ZFAT: variants seen among roughly 807,000 people sequenced by gnomAD.
ZFAT encodes zinc finger and AT-hook domain containing, also known as zinc finger protein ZFAT.
In ZFAT, 64 loss-of-function variants were observed where a neutral mutation model predicts 117.7. The ratio of observed to expected loss-of-function variants is 0.54; its 90% CI spans 0.44 to 0.67. The LOEUF is 0.67. ZFAT is among the 30% of genes least tolerant of loss of function. The probability of loss-of-function intolerance (pLI) is 0.00; values close to 1 mark genes in which losing one functional copy is unlikely to be tolerated. For synonymous variants in ZFAT, 679 were observed against 615.0 expected (o/e 1.10, Z -1.54); for missense variants, 1,433 against 1,584.5 (o/e 0.90, Z 1.62).
the ZFAT span, among the ~76,000 whole-genome samples, chr8:134,810,955 T>C: frequency 6.6e-6 from 1 of 151,902 alleles, no homozygotes; most frequent in African/African-American, 2.4e-5. Context: ...TCAGTAACAC[T>C]AGCTAGCACC....
At chr8:134,531,007 T>G (rs1230662781) in intron 12 of ZFAT, among the ~76,000 whole-genome samples, 1 of 152,126 alleles carries the variant, frequency 6.6e-6, no homozygotes, top group African/African-American at 2.4e-5. Context: ...GGAACAACTG[T>G]GAATATATAT....
chr8:134,822,553 G>A, the ZFAT span, among the ~76,000 whole-genome samples: 1 of 151,938 alleles, frequency 6.6e-6, no homozygotes, highest in South Asian at 2.1e-4. Context: ...TTCCTATAAT[G>A]AAAATTTTTT....
the ZFAT span, among the ~76,000 whole-genome samples, chr8:134,801,051 A>T: frequency 6.6e-6 from 1 of 152,162 alleles, no homozygotes; most frequent in South Asian, 2.1e-4. Context: ...CATTTATAAG[A>T]ACTTACTTGA....
chr8:134,670,607 G>A (rs1342989246), intron 1 of ZFAT, among the ~76,000 whole-genome samples: 5 of 152,252 alleles, frequency 3.3e-5, no homozygotes, highest in African/African-American at 1.2e-4. Flanking sequence ...AAAGCAGTGT[G>A]TACAGGGAAA....
intron 1 of ZFAT, among the ~76,000 whole-genome samples, chr8:134,703,987 G>A (rs556620442): frequency 3.3e-5 from 5 of 152,208 alleles, no homozygotes; most frequent in African/African-American, 9.6e-5. Context: ...AAAACTCTAC[G>A]AGCATGCTAC....
At chr8:134,542,854 C>T (rs1822372252) in intron 11 of ZFAT, among the ~76,000 whole-genome samples, 2 of 152,248 alleles carry the variant, frequency 1.3e-5, no homozygotes, top group South Asian at 4.1e-4. Context: ...CATGCAGTTA[C>T]TGCACAGAAG....
chr8:134,492,100 T>C (rs1044554934), intron 15 of ZFAT, among the ~76,000 whole-genome samples: 3 of 152,016 alleles, frequency 2.0e-5, no homozygotes, highest in Non-Finnish European at 2.9e-5. Flanking sequence ...AGGAGTGTTA[T>C]AAGGTAGTCA....
the ZFAT span, among the ~76,000 whole-genome samples, chr8:134,806,020 C>A: frequency 3.3e-5 from 5 of 151,980 alleles, no homozygotes; most frequent in African/African-American, 1.2e-4. Flanking sequence ...GTAAAGTAAC[C>A]TTCTTTTGGG....
At chr8:134,753,784 G>GA in the ZFAT span, among the ~76,000 whole-genome samples, 211 of 152,232 alleles carry the variant, frequency 1.4e-3, no homozygotes, top group African/African-American at 4.8e-3. Flanking sequence ...TAAATACAGT[G>GA]AAAAAACAGA....
the ZFAT span, among the ~76,000 whole-genome samples, chr8:134,771,882 G>C: frequency 2.6e-5 from 4 of 152,200 alleles, no homozygotes; most frequent in Non-Finnish European, 5.9e-5. Context: ...CAGAAGGCAA[G>C]GAGGAGCAAG....
At chr8:134,664,076 CAGG>C (rs1832077422) in intron 1 of ZFAT, among the ~76,000 whole-genome samples, 1 of 152,128 alleles carries the variant, frequency 6.6e-6, no homozygotes, top group Non-Finnish European at 1.5e-5. Flanking sequence ...CAGACCTGCA[CAGG>C]AGGTCATGGA....
chr8:134,817,394 TACAC>T, the ZFAT span, among the ~76,000 whole-genome samples: 22,694 of 125,706 alleles, frequency 0.18, 1,830 homozygotes, highest in Middle Eastern at 0.29. Flanking sequence ...TCTCTCTCTC[TACAC>T]ACACACACAC....
At chr8:134,667,970 T>TGGCTCCGTGGGTCCCATGCCCAC (rs1161227405) in intron 1 of ZFAT, among the ~76,000 whole-genome samples, 8 of 152,166 alleles carry the variant, frequency 5.3e-5, no homozygotes, top group South Asian at 2.1e-4. Context: ...ATCCCGCGCA[T>TGGCTCCGTGGGTCCCATGCCCAC]GGCTCCGTGG....
rs184319109 is a variant in ZFAT at position 134,646,165 on chromosome 8, C to T, written c.197-8453G>A. Among the ~76,000 whole-genome samples the T allele has an allele frequency of 8.1e-3, 1,231 of 152,160 alleles. 12 individuals carry two copies. Among genetic ancestry groups the T allele is most frequent in the African/African-American group, 0.028 (1,171 of 41,524 alleles). On this transcript the variant is annotated intron_variant, in intron 2 of 15. Coordinates refer to ENST00000377838, the MANE Select transcript of ZFAT (RefSeq NM_020863.4). Reference sequence around the variant, plus strand: ...CGGAGGTTGCAGTGAGCCGAGATCACGCCACTGCACTCCAGCCTGGGCGAA... The same window carrying T: ...CGGAGGTTGCAGTGAGCCGAGATCATGCCACTGCACTCCAGCCTGGGCGAA...
the ZFAT span, chr8:134,797,037 T>C: frequency 6.6e-6 from 1 of 152,172 alleles, no homozygotes; most frequent in Non-Finnish European, 1.5e-5. Context: ...TTTAGAAAGT[T>C]ATCTGAAAAA....
chr8:134,710,086 A>G (rs989432168), intron 1 of ZFAT, among the ~76,000 whole-genome samples: 1 of 152,216 alleles, frequency 6.6e-6, no homozygotes, highest in Non-Finnish European at 1.5e-5. Context: ...ACTTCAACAT[A>G]TGTCCAGGGT....
chr8:134,671,789 A>G (rs1289933841), intron 1 of ZFAT, among the ~76,000 whole-genome samples: 1 of 152,228 alleles, frequency 6.6e-6, no homozygotes, highest in African/African-American at 2.4e-5. Context: ...AAGTGTATTC[A>G]ATTAGGAAAA....
intron 1 of ZFAT, among the ~76,000 whole-genome samples, chr8:134,664,503 G>C (rs1475606518): frequency 2.0e-5 from 3 of 152,240 alleles, no homozygotes; most frequent in South Asian, 4.1e-4. Flanking sequence ...TGTTCCAAAA[G>C]CCCAGAGCAG....
At chr8:134,787,789 C>T in the ZFAT span, among the ~76,000 whole-genome samples, 3 of 145,346 alleles carry the variant, frequency 2.1e-5, no homozygotes, top group Non-Finnish European at 3.0e-5. Flanking sequence ...ATGGTATATC[C>T]ATATATTTAG....
Sources: allele counts gnomAD v4.1 joint callset (sites outside exome capture counted in the v4.1 genomes callset), GRCh38; gene constraint gnomAD v4.1.1; transcripts MANE v1.5; gene names NCBI Gene and HGNC (gene_info 2026-07-23, HGNC 2026-07-21).